ALCAM: variants seen among roughly 807,000 people sequenced by gnomAD.
ALCAM encodes activated leukocyte cell adhesion molecule, also known as CD166 antigen.
A neutral mutation model predicts 70.9 loss-of-function variants in ALCAM; 30 were observed. The observed-to-expected ratio is 0.42, with a 90% CI of 0.32 to 0.57. The LOEUF (loss-of-function observed/expected upper bound fraction) is 0.57, where lower values mean the gene tolerates loss of function less well. ALCAM is among the 20% of genes least tolerant of loss of function. ALCAM has a pLI of 0.11. For synonymous variants in ALCAM, 249 were observed against 242.5 expected (o/e 1.03, Z -0.25); for missense variants, 591 against 695.1 (o/e 0.85, Z 1.68).
At chr3:105,480,956 T>C (rs374185375) in intron 1 of ALCAM, among the ~76,000 whole-genome samples, 3 of 152,044 alleles carry the variant, frequency 2.0e-5, no homozygotes, top group Non-Finnish European at 4.4e-5. Flanking sequence ...GTTGTCTGAT[T>C]GATGAGATTC....
chr3:105,545,029 A>G (rs1294337301), intron 8 of ALCAM, 194 bp from the exon 9 acceptor site: 1 of 522,616 alleles, frequency 1.9e-6, no homozygotes, highest in African/African-American at 1.9e-5. Context: ...TCTCTTGTCT[A>G]AACTAGTCTC....
chr3:105,386,663 T>TAA (rs754292027), intron 1 of ALCAM, among the ~76,000 whole-genome samples: 1 of 150,382 alleles, frequency 6.6e-6, no homozygotes, highest in Non-Finnish European at 1.5e-5. Context: ...CCACCATAAA[T>TAA]ATATATATAT....
At chr3:105,557,662 T>C (rs896361683) in intron 14 of ALCAM, among the ~76,000 whole-genome samples, 1 of 152,194 alleles carries the variant, frequency 6.6e-6, no homozygotes, top group South Asian at 2.1e-4. Context: ...GCTGTGATGC[T>C]GAGTGCATGC....
rs577291146 is a variant in ALCAM, at chr3:105,524,534, G to A, written c.394+26G>A. On this transcript the variant is annotated intron_variant, in intron 3 of 15. Coordinates refer to ENST00000306107, the MANE Select transcript of ALCAM (RefSeq NM_001627.4). ...GTAAGTAGTCTGCAGCAGTGTCACT[G>A]CTAAGTGGGATTGATGGCCAGTACC... 33 of 1,613,294 alleles carry A rather than the reference G, an allele frequency of 2.0e-5. No homozygotes were observed. The South Asian group carries it at 3.4e-4, about 17-fold the overall frequency.
At chr3:105,375,089 C>T (rs971731002) in intron 1 of ALCAM, among the ~76,000 whole-genome samples, 1 of 152,116 alleles carries the variant, frequency 6.6e-6, no homozygotes, top group Non-Finnish European at 1.5e-5. Flanking sequence ...CAGGTGACAC[C>T]TATGGTGTCA....
chr3:105,401,578 T>C (rs144095694), intron 1 of ALCAM, among the ~76,000 whole-genome samples: 106 of 152,282 alleles, frequency 7.0e-4, no homozygotes, highest in African/African-American at 2.4e-3. Context: ...GAAAATACAA[T>C]AATCACTAAG....
chr3:105,531,713 C>G (rs1048284991), intron 3 of ALCAM, among the ~76,000 whole-genome samples: 2 of 151,792 alleles, frequency 1.3e-5, no homozygotes, highest in Admixed American at 6.6e-5. Context: ...GGACATTAGC[C>G]CCTGTTTCAC....
At chr3:105,520,960 A>T (rs1939520082) in intron 2 of ALCAM, among the ~76,000 whole-genome samples, 1 of 152,222 alleles carries the variant, frequency 6.6e-6, no homozygotes, top group South Asian at 2.1e-4. Flanking sequence ...TTGAAATGTT[A>T]AAAGGTATTT....
At chr3:105,573,762 C>G (rs1395903963) in intron 15 of ALCAM, among the ~76,000 whole-genome samples, 1 of 152,160 alleles carries the variant, frequency 6.6e-6, no homozygotes, top group Non-Finnish European at 1.5e-5. Flanking sequence ...CCCCAACCGC[C>G]ACAGTAAACC....
intron 1 of ALCAM, among the ~76,000 whole-genome samples, chr3:105,408,446 TG>T (rs1416553821): frequency 2.0e-5 from 3 of 151,884 alleles, no homozygotes; most frequent in African/African-American, 7.3e-5. Context: ...AAACATAAGG[TG>T]GGGAAAGGAC....
intron 14 of ALCAM, among the ~76,000 whole-genome samples, chr3:105,561,235 A>T (rs1478556232): frequency 1.3e-5 from 2 of 152,204 alleles, no homozygotes; most frequent in Non-Finnish European, 2.9e-5. Context: ...GTTGAAATGT[A>T]TACTGACATC....
intron 1 of ALCAM, among the ~76,000 whole-genome samples, chr3:105,442,601 G>A (rs918224966): frequency 1.3e-5 from 2 of 151,928 alleles, no homozygotes; most frequent in Non-Finnish European, 1.5e-5. Context: ...CTAACATGGT[G>A]AAACCCCATC....
chr3:105,553,785 G>T (rs1170406190), intron 14 of ALCAM, among the ~76,000 whole-genome samples: 1 of 151,920 alleles, frequency 6.6e-6, no homozygotes, highest in Non-Finnish European at 1.5e-5. Flanking sequence ...GGCAGAGAAT[G>T]GTTAAATGAC....
intron 14 of ALCAM, chr3:105,552,980 C>CA: frequency 9.8e-7 from 1 of 1,016,480 alleles, no homozygotes; most frequent in Non-Finnish European, 1.2e-6. Flanking sequence ...TTTGCAGTGA[C>CA]ACATCTGGCC....
At chr3:105,457,974 G>A (rs1487025339) in intron 1 of ALCAM, among the ~76,000 whole-genome samples, 4 of 151,866 alleles carry the variant, frequency 2.6e-5, no homozygotes, top group African/African-American at 7.3e-5. Flanking sequence ...CTCCTCAATG[G>A]AGCTTTCCAA....
chr3:105,462,000 T>C (rs1937610645), intron 1 of ALCAM, among the ~76,000 whole-genome samples: 1 of 151,594 alleles, frequency 6.6e-6, no homozygotes, highest in African/African-American at 2.4e-5. Context: ...TTTGAGAATT[T>C]TCATAATCCT....
At chr3:105,435,482 TA>T (rs1937029680) in intron 1 of ALCAM, among the ~76,000 whole-genome samples, 2 of 152,236 alleles carry the variant, frequency 1.3e-5, no homozygotes, top group African/African-American at 4.8e-5. Context: ...AGCACAGTGC[TA>T]TTCATTTTTA....
At chr3:105,459,327 A>G (rs901494846) in intron 1 of ALCAM, among the ~76,000 whole-genome samples, 1 of 152,108 alleles carries the variant, frequency 6.6e-6, no homozygotes. Context: ...TCAAATAGCC[A>G]TGTTTTCAAT....
intron 1 of ALCAM, among the ~76,000 whole-genome samples, chr3:105,438,823 G>T (rs912905110): frequency 6.6e-6 from 1 of 151,972 alleles, no homozygotes; most frequent in Non-Finnish European, 1.5e-5. Flanking sequence ...CAGTGAGTTA[G>T]GATTGTGCAC....
Sources: allele counts gnomAD v4.1 joint callset (sites outside exome capture counted in the v4.1 genomes callset), GRCh38; gene constraint gnomAD v4.1.1; transcripts MANE v1.5; gene names NCBI Gene and HGNC (gene_info 2026-07-23, HGNC 2026-07-21).